The following PKD1L1 variants were observed in gnomAD, a reference collection of about 807,000 sequenced individuals.
PKD1L1 encodes the protein polycystin-1-like protein 1.
PKD1L1 carries 236 observed loss-of-function variants against 323.4 expected under a neutral mutation model. The ratio of observed to expected loss-of-function variants is 0.73; its 90% CI spans 0.66 to 0.81. PKD1L1 has a LOEUF of 0.81. Ranked by LOEUF, PKD1L1 falls within the 40% of genes least tolerant of loss-of-function variation. The probability of loss-of-function intolerance (pLI) is 0.00; values close to 1 mark genes in which losing one functional copy is unlikely to be tolerated. For synonymous variants in PKD1L1, 1,344 were observed against 1,335.0 expected (o/e 1.01, Z -0.15); for missense variants, 3,320 against 3,508.0 (o/e 0.95, Z 1.35).
chr7:47,783,663 C>T (rs1786745570), intron 56 of PKD1L1, among the ~76,000 whole-genome samples: 1 of 152,194 alleles, frequency 6.6e-6, no homozygotes, highest in Middle Eastern at 3.2e-3. Context: ...GAGAACTACA[C>T]TGCCACAAGC....
rs778748127 is a variant in PKD1L1, at chr7:47,929,384, G to A, written c.880C>T (p.Leu294Phe). The A allele has an allele frequency of 3.8e-5, 61 of 1,614,112 alleles. No individual in the cohort carries two copies. The highest frequency in any genetic ancestry group is 5.1e-5 in the Non-Finnish European group (60 of 1,180,050). Residue 294 changes from leucine to phenylalanine, a missense_variant, in exon 7 of 57, where the codon CTT becomes TTT. Physicochemically the swap from Leu to Phe is conservative, Grantham distance 22 (BLOSUM62 0). Transcript: ENST00000289672. ...GCTTCCACTTCCAGGGAGCAATTAA[G>A]AACAGGGTTCATGAAGTTATCAGAA... ...RNSDNFMNPVLNCSLEVEARA... is the reference protein window; with the variant it reads ...RNSDNFMNPVFNCSLEVEARA...
At chr7:47,902,752 G>A (rs1019091934) in intron 12 of PKD1L1, among the ~76,000 whole-genome samples, 5 of 152,206 alleles carry the variant, frequency 3.3e-5, no homozygotes, top group African/African-American at 1.2e-4. Context: ...CTCCCAGACC[G>A]ATGTCACATG....
rs1411079905 is a variant in PKD1L1, at chr7:47,831,442, C to G, written c.6338-90G>C. On this transcript the variant is annotated intron_variant, in intron 41 of 56. Transcript: ENST00000289672. ...TGTGGTGGTGAATCTTAGGTGTCAACTAGGCTGGGTCGTAGGGTGCCCAGG... is the reference window on the plus strand; with the variant it reads ...TGTGGTGGTGAATCTTAGGTGTCAAGTAGGCTGGGTCGTAGGGTGCCCAGG... 3.3e-6 allele frequency: 5 copies of G among 1,494,860 alleles called. No homozygotes were observed. The African/African-American group carries it at 7.0e-5, about 21-fold the overall frequency. 92.6% of individuals were successfully genotyped at this position (1,494,860 alleles called of 1,614,324 possible).
rs1475926033 is a variant in PKD1L1, at chr7:47,809,583, G to A, written c.7582-6C>T. 1 of 1,566,152 alleles carries A rather than the reference G, an allele frequency of 6.4e-7. No individual in the cohort carries two copies. The highest frequency in any genetic ancestry group is 1.9e-5 in the Admixed American group (1 of 51,938). On this transcript the variant is annotated splice_polypyrimidine_tract_variant and splice_region_variant and intron_variant, in intron 50 of 56. Coordinates refer to ENST00000289672, the MANE Select transcript of PKD1L1 (RefSeq NM_138295.5). Reference sequence around the variant, plus strand: ...CTGAGTGCCAGGAAGACCAGCTGGTGGAGAGAATGTAAACAAACAAGATCA... The same window carrying A: ...CTGAGTGCCAGGAAGACCAGCTGGTAGAGAGAATGTAAACAAACAAGATCA...
chr7:47,940,107 G>A, intron 3 of PKD1L1, 86 bp downstream of exon 3: 1 of 1,522,384 alleles, frequency 6.6e-7, no homozygotes, highest in Admixed American at 1.8e-5. Context: ...ATGAATTCCT[G>A]ATGAAACATG....
chr7:47,827,607 G>A, intron 44 of PKD1L1, 139 bp from the exon 45 acceptor site: 1 of 670,720 alleles, frequency 1.5e-6, no homozygotes, highest in Non-Finnish European at 2.5e-6. Flanking sequence ...GAGGTACTTT[G>A]TATGGATAAC....
At chr7:47,889,404 G>T (rs1291811903) in intron 16 of PKD1L1, among the ~76,000 whole-genome samples, 1 of 152,268 alleles carries the variant, frequency 6.6e-6, no homozygotes, top group African/African-American at 2.4e-5. Flanking sequence ...CCCAATTGTT[G>T]TAGCCTTGTA....
intron 24 of PKD1L1, among the ~76,000 whole-genome samples, chr7:47,872,125 C>T (rs578147114): frequency 6.6e-6 from 1 of 152,284 alleles, no homozygotes; most frequent in East Asian, 1.9e-4. Flanking sequence ...CTTGACAAAT[C>T]CCTATGAAAA....
chr7:47,776,804 C>A (rs1368010772), intron 56 of PKD1L1, among the ~76,000 whole-genome samples: 1 of 152,168 alleles, frequency 6.6e-6, no homozygotes, highest in East Asian at 1.9e-4. Flanking sequence ...AGACATTGCT[C>A]CGCAATAAAA....
Position 47,936,930 on chromosome 7 carries a change from G to T in PKD1L1, c.314C>A (p.Ala105Glu). 13 of 1,612,548 alleles carry T rather than the reference G, an allele frequency of 8.1e-6. No homozygotes were observed. Among genetic ancestry groups the T allele is most frequent in the Non-Finnish European group, 1.1e-5 (13 of 1,179,646 alleles). Residue 105 changes from alanine to glutamate, a missense_variant, in exon 4 of 57, where the codon GCG (alanine) becomes GAG (glutamate). Physicochemically the swap from Ala to Glu is moderately radical, Grantham distance 107. Transcript: ENST00000289672. ...KNIWKTTSEA[A>E]LSVVNEKTQA... ...TGTTTTTTCATTAACAACACTTAAC[G>T]CTGCTTCACTAGTTGTTTTCCAAAT...
chr7:47,799,907 C>T (rs1784623438), intron 54 of PKD1L1, among the ~76,000 whole-genome samples: 1 of 152,080 alleles, frequency 6.6e-6, no homozygotes, highest in Admixed American at 6.5e-5. Context: ...GTCGGAGCCT[C>T]GGCAGGGAGG....
chr7:47,803,403 T>A, intron 52 of PKD1L1, 59 bp from the exon 53 acceptor site: 3 of 1,586,742 alleles, frequency 1.9e-6, no homozygotes, highest in Non-Finnish European at 1.7e-6. Context: ...GGTGCAGACA[T>A]ATTCACAGCT....
intron 8 of PKD1L1, among the ~76,000 whole-genome samples, chr7:47,908,995 G>A (rs1379545667): frequency 2.0e-5 from 3 of 152,182 alleles, no homozygotes; most frequent in African/African-American, 7.2e-5. Flanking sequence ...CAGGAGACTG[G>A]CTGCAGATCT....
intron 19 of PKD1L1, 151 bp downstream of exon 19, chr7:47,884,447 C>T: frequency 1.4e-6 from 1 of 701,962 alleles, no homozygotes; most frequent in Admixed American, 2.3e-5. Flanking sequence ...AGGTTTGGTT[C>T]AGACCGTGCC....
At chr7:47,791,624 A>C (rs1340253199) in intron 56 of PKD1L1, among the ~76,000 whole-genome samples, 1 of 152,086 alleles carries the variant, frequency 6.6e-6, no homozygotes, top group Non-Finnish European at 1.5e-5. Context: ...TAGATGCAAT[A>C]ATTATTTGCT....
upstream of PKD1L1, among the ~76,000 whole-genome samples, chr7:47,949,522 G>T (rs565576185): frequency 5.3e-5 from 8 of 152,244 alleles, no homozygotes; most frequent in Admixed American, 4.6e-4. Flanking sequence ...GAATGATCTG[G>T]TTCCGAACCT....
chr7:47,783,380 T>G (rs986380283), intron 56 of PKD1L1, among the ~76,000 whole-genome samples: 1 of 152,022 alleles, frequency 6.6e-6, no homozygotes, highest in Non-Finnish European at 1.5e-5. Flanking sequence ...GAGTATTTTG[T>G]TTTAGTTTTG....
chr7:47,894,989 A>G (rs1156565718), intron 14 of PKD1L1, among the ~76,000 whole-genome samples: 3 of 152,194 alleles, frequency 2.0e-5, no homozygotes, highest in Admixed American at 6.5e-5. Flanking sequence ...TCTCCTGAGT[A>G]GGACCAAAGA....
At chr7:47,802,537 G>C in intron 53 of PKD1L1, among the ~76,000 whole-genome samples, 1 of 152,194 alleles carries the variant, frequency 6.6e-6, no homozygotes, top group South Asian at 2.1e-4. Context: ...GTCCTGTGTG[G>C]CTTGGATCCT....
Sources: allele counts gnomAD v4.1 joint callset (sites outside exome capture counted in the v4.1 genomes callset), GRCh38; gene constraint gnomAD v4.1.1; transcripts MANE v1.5; gene names NCBI Gene and HGNC (gene_info 2026-07-23, HGNC 2026-07-21).